The following CNOT1 variants were observed in gnomAD, a reference collection of about 807,000 sequenced individuals.
The protein encoded by CNOT1 is CCR4-associated factor 1.
Under a neutral mutation model 273.8 loss-of-function variants are expected in CNOT1, and 15 were observed. The observed-to-expected ratio is 0.05, with a 90% CI of 0.04 to 0.08. CNOT1 has a LOEUF of 0.08. Among genes scored for constraint, CNOT1 ranks in the 10% least tolerant of loss-of-function variants. The pLI is 1.00. For missense variants in CNOT1, 1,644 were observed against 2,912.2 expected, an observed-to-expected ratio of 0.56 and a Z score of 10.02; for synonymous variants, 1,022 against 1,005.5, an observed-to-expected ratio of 1.02 and a Z score of -0.31.
chr16:58,620,340 A>G (rs1162864724), intron 1 of CNOT1, among the ~76,000 whole-genome samples: 1 of 152,116 alleles, frequency 6.6e-6, no homozygotes, highest in Non-Finnish European at 1.5e-5. Flanking sequence ...ATGACATTCC[A>G]GATGTAAAAA....
In CNOT1 at chr16:58,547,170, A is replaced by G. The variant is rs2040284921; in HGVS notation, c.3750+16T>C. On this transcript the variant is annotated intron_variant, in intron 27 of 48. Transcript: ENST00000317147. The surrounding 1 kb of genome is among the most constrained non-coding windows in gnomAD (Gnocchi z 4.0). Reference sequence around the variant, plus strand: ...CTTAGAAATTAGTCATAAATAAAATATTAAAATCTACTCACCACACTACGA... The same window carrying G: ...CTTAGAAATTAGTCATAAATAAAATGTTAAAATCTACTCACCACACTACGA... 6.2e-7 allele frequency: 1 copy of G among 1,601,130 alleles called. No individual in the cohort carries two copies. Among genetic ancestry groups the G allele is most frequent in the Admixed American group, 1.7e-5 (1 of 57,668 alleles).
At chr16:58,532,612 TG>T (rs1204930218) in intron 40 of CNOT1, 1 of 741,920 alleles carries the variant, frequency 1.3e-6, no homozygotes, top group African/African-American at 1.8e-5. Context: ...TCAACATCCT[TG>T]GACCACACCT....
intron 25 of CNOT1, chr16:58,548,765 C>T: frequency 2.6e-6 from 1 of 385,050 alleles, no homozygotes; most frequent in Non-Finnish European, 5.1e-6. Flanking sequence ...TTGAATAAGC[C>T]TCAGCTCAGT....
chr16:58,547,350 T>A lies in CNOT1; in HGVS notation c.3640-54A>T, dbSNP rs1338188321. ...GGGGAATATACCCCCCAAAATGGTA[T>A]AACAAAACCAAAGAAAAGTATTTTG... On this transcript the variant is annotated intron_variant, in intron 26 of 48. Transcript: ENST00000317147. The surrounding 1 kb of genome is among the most constrained non-coding windows in gnomAD (Gnocchi z 4.0). 6.3e-7 allele frequency: 1 copy of A among 1,594,806 alleles called. No individual in the cohort carries two copies. The highest frequency in any genetic ancestry group is 8.5e-7 in the Non-Finnish European group (1 of 1,170,656).
Position 58,551,576 on chromosome 16 carries a change from T to C in CNOT1, c.3201+13A>G, listed in dbSNP as rs768230898. ...CATAAATCCTGGAAGAGAAAAAAGA[T>C]AGATCTACTTACTGGCACATCTTTC... On this transcript the variant is annotated intron_variant, in intron 23 of 48. Transcript: ENST00000317147. 5.0e-6 allele frequency: 8 copies of C among 1,607,462 alleles called. No individual in the cohort carries two copies. In the African/African-American group the frequency reaches 6.7e-5, roughly 13 times the overall value.
chr16:58,538,894 A>T lies in CNOT1; in HGVS notation c.5013T>A (p.Asp1671Glu). 13 of 1,609,318 alleles carry T rather than the reference A, an allele frequency of 8.1e-6. No individual in the cohort carries two copies. Among genetic ancestry groups the T allele is most frequent in the Non-Finnish European group, 1.1e-5 (13 of 1,179,162 alleles). ...GGTCAGCATCAGCACCACTTGTGGC[A>T]TCTAGTAAGCCCTCTACAGCCTATG... is the stretch of plus-strand genomic sequence containing the variant. ...LLQKAVEGLL[D>E]ATSGADADLL... Residue 1671 changes from aspartate to glutamate, a missense_variant, in exon 36 of 49, where the codon GAT (aspartate) becomes GAA (glutamate). Transcript: ENST00000317147.
chr16:58,560,397 T>C, intron 16 of CNOT1, 35 bp from the exon 17 acceptor site: 1 of 1,606,082 alleles, frequency 6.2e-7, no homozygotes, highest in East Asian at 2.2e-5. Context: ...AAATATCAGT[T>C]CCTATTCTCT....
chr16:58,596,485 A>C (rs1446787865), intron 2 of CNOT1, among the ~76,000 whole-genome samples: 2 of 152,156 alleles, frequency 1.3e-5, no homozygotes, highest in Non-Finnish European at 2.9e-5. Flanking sequence ...GTGTCACTTT[A>C]TCTCGTTCCA....
intron 8 of CNOT1, among the ~76,000 whole-genome samples, chr16:58,583,702 C>T (rs1200287135): frequency 1.3e-5 from 2 of 151,994 alleles, no homozygotes; most frequent in Non-Finnish European, 2.9e-5. Flanking sequence ...CCACGCATGG[C>T]TAATTTTTGT....
intron 1 of CNOT1, among the ~76,000 whole-genome samples, chr16:58,609,886 TATA>T (rs756736074): frequency 1.0e-4 from 15 of 150,724 alleles, no homozygotes; most frequent in Non-Finnish European, 2.1e-4. Flanking sequence ...CATTAACATA[TATA>T]ATAATACATT....
At chr16:58,532,687 A>T in intron 40 of CNOT1, 2 of 350,776 alleles carry the variant, frequency 5.7e-6, no homozygotes, top group South Asian at 8.5e-5. Flanking sequence ...GGCCCCTCAC[A>T]TTTCACCATG....
chr16:58,611,911 C>T (rs1475167122), intron 1 of CNOT1, among the ~76,000 whole-genome samples: 4 of 152,128 alleles, frequency 2.6e-5, no homozygotes, highest in African/African-American at 9.7e-5. Flanking sequence ...CTCACACCTA[C>T]TTCTTTTTCT....
rs58567423 is a variant in CNOT1 at position 58,596,887 on chromosome 16, C to CAA, written c.102+2347_102+2348dup. ...TGGGCGACAAAGTGAGACTCCGTCTCAAAAAAAAAAAAAAAAAAAAAAAAA... is the reference window on the plus strand; with the variant it reads ...TGGGCGACAAAGTGAGACTCCGTCTCAAAAAAAAAAAAAAAAAAAAAAAAAAA... On this transcript the variant is annotated intron_variant, in intron 2 of 48. Transcript: ENST00000317147. Among the ~76,000 whole-genome samples, 159 of 69,970 alleles carry CAA rather than the reference C, an allele frequency of 2.3e-3. 18 individuals are homozygous for CAA. The highest frequency in any genetic ancestry group is 0.011 in the East Asian group (13 of 1,200). The allele number at this position is 69,970 out of a possible 152,430, so 45.9% of individuals were successfully genotyped here. A position where few individuals can be genotyped will look rare whatever the true frequency, so the allele number is the denominator to read the frequency against.
chr16:58,521,107 C>A, intron 48 of CNOT1, 71 bp from the exon 49 acceptor site: 5 of 1,613,238 alleles, frequency 3.1e-6, no homozygotes, highest in Non-Finnish European at 4.2e-6. Context: ...TCTCATTCAG[C>A]TGACCCAACC....
intron 2 of CNOT1, among the ~76,000 whole-genome samples, chr16:58,592,322 AT>A (rs2151994487): frequency 6.6e-6 from 1 of 152,274 alleles, no homozygotes; most frequent in African/African-American, 2.4e-5. Flanking sequence ...TTTGTCTTTA[AT>A]TACTGCAAAA....
chr16:58,526,509 C>CT (rs2039586008), intron 44 of CNOT1, among the ~76,000 whole-genome samples: 5 of 96,706 alleles, frequency 5.2e-5, no homozygotes, highest in South Asian at 7.0e-4. Flanking sequence ...ACACTTACTC[C>CT]TTAAAAAAAA....
At chr16:58,522,868 C>T (rs1007155771) in intron 47 of CNOT1, 2 of 152,240 alleles carry the variant, frequency 1.3e-5, no homozygotes, top group African/African-American at 4.8e-5. Context: ...AAATGTCCAT[C>T]AGAATGAGTA....
intron 16 of CNOT1, among the ~76,000 whole-genome samples, chr16:58,564,200 A>G (rs1397794620): frequency 6.6e-6 from 1 of 152,174 alleles, no homozygotes; most frequent in Admixed American, 6.5e-5. Flanking sequence ...GATAGTGACT[A>G]ACTACAGGAG....
At position 58,520,026 on chromosome 16, in the gene CNOT1, A is replaced by C. The variant is rs1466288878; in HGVS notation, c.*932T>G. On this transcript the variant is annotated 3_prime_UTR_variant, in exon 49 of 49. Transcript: ENST00000317147. ...AGTAGGGGAGCTGAAGCCCAGGAAA[A>C]GGCTACAAAATACAACACAGGGACC... The C allele has an allele frequency of 1.3e-5, 2 of 152,246 alleles. No individual in the cohort carries two copies. Among genetic ancestry groups the C allele is most frequent in the Non-Finnish European group, 2.9e-5 (2 of 68,056 alleles). The allele number at this position is 152,246 out of a possible 1,614,324, so 9.4% of individuals were successfully genotyped here. A position where few individuals can be genotyped will look rare whatever the true frequency, so the allele number is the denominator to read the frequency against.
Sources: allele counts gnomAD v4.1 joint callset (sites outside exome capture counted in the v4.1 genomes callset), GRCh38; gene constraint gnomAD v4.1.1; non-coding constraint Gnocchi (gnomAD v3.1); transcripts MANE v1.5; gene names NCBI Gene and HGNC (gene_info 2026-07-23, HGNC 2026-07-21).